The following PPFIBP2 variants were observed in gnomAD, a reference collection of about 807,000 sequenced individuals.
PPFIBP2 encodes PPFIB scaffold protein 2, also known as liprin-beta-2.
PPFIBP2 carries 118 observed loss-of-function variants against 118.3 expected under a neutral mutation model. The observed-to-expected ratio is 1.00, with a 90% CI of 0.86 to 1.16. PPFIBP2 has a LOEUF of 1.16. PPFIBP2 is among the 50% of genes most tolerant of loss of function. The pLI is 0.00. For missense variants in PPFIBP2, 1,195 were observed against 1,073.1 expected (o/e 1.11, Z -1.59); for synonymous variants, 414 against 397.4 (o/e 1.04, Z -0.50).
chr11:7,603,252 A>T (rs1467150381), intron 5 of PPFIBP2, among the ~76,000 whole-genome samples: 1 of 152,248 alleles, frequency 6.6e-6, no homozygotes, highest in Admixed American at 6.5e-5. Context: ...GAGTTTCTTC[A>T]TGCTTATCCC....
chr11:7,614,346 C>A (rs1342294587), intron 6 of PPFIBP2, among the ~76,000 whole-genome samples: 1 of 152,242 alleles, frequency 6.6e-6, no homozygotes, highest in Non-Finnish European at 1.5e-5. Context: ...CAGACACACA[C>A]ACTTTCCCTC....
chr11:7,648,924 A>C lies in PPFIBP2; in HGVS notation c.1909+13A>C. ...ATTTGGGTGACAAGTAAGGATAGGC[A>C]TATATGTATTAAGAATGTCTCTGGC... On this transcript the variant is annotated intron_variant, in intron 19 of 23. Coordinates refer to ENST00000299492, the MANE Select transcript of PPFIBP2 (RefSeq NM_003621.5). 3.7e-6 allele frequency: 6 copies of C among 1,600,374 alleles called. No homozygotes were observed. The highest frequency in any genetic ancestry group is 5.1e-6 in the Non-Finnish European group (6 of 1,167,606).
intron 1 of PPFIBP2, among the ~76,000 whole-genome samples, chr11:7,520,409 A>G (rs1445188956): frequency 6.6e-6 from 1 of 152,058 alleles, no homozygotes; most frequent in Non-Finnish European, 1.5e-5. Flanking sequence ...GCACCTTGGG[A>G]CTGGGCCTGA....
At chr11:7,657,952 C>T (rs1278780175), downstream of PPFIBP2, among the ~76,000 whole-genome samples, 2 of 152,246 alleles carry the variant, frequency 1.3e-5, no homozygotes, top group African/African-American at 4.8e-5. Flanking sequence ...CTCCTAAGTT[C>T]CTCATCCACC....
chr11:7,592,351 C>T (rs1391824275), intron 3 of PPFIBP2, among the ~76,000 whole-genome samples: 1 of 152,164 alleles, frequency 6.6e-6, no homozygotes. Flanking sequence ...GATTCTGCCT[C>T]TCCTCTGACA....
At chr11:7,575,816 A>G (rs2134888201) in intron 3 of PPFIBP2, among the ~76,000 whole-genome samples, 1 of 152,370 alleles carries the variant, frequency 6.6e-6, no homozygotes, top group East Asian at 1.9e-4. Context: ...ACGGGCAGGG[A>G]ACCTGGGCTG....
intron 3 of PPFIBP2, among the ~76,000 whole-genome samples, chr11:7,589,800 G>A (rs1425095251): frequency 6.6e-6 from 1 of 152,116 alleles, no homozygotes; most frequent in African/African-American, 2.4e-5. Context: ...CTCAAACCTG[G>A]AATCATGCAG....
intron 1 of PPFIBP2, among the ~76,000 whole-genome samples, chr11:7,528,742 G>A (rs1414123331): frequency 6.6e-6 from 1 of 152,170 alleles, no homozygotes; most frequent in East Asian, 1.9e-4. Context: ...TGGGATACCT[G>A]CATGAAAGGA....
Position 7,638,047 on chromosome 11 carries a change from C to T in PPFIBP2, c.1237-1685C>T, listed in dbSNP as rs1019455750. 5.3e-5 allele frequency among the ~76,000 whole-genome samples: 8 copies of T among 152,162 alleles called. No homozygotes were observed. In the South Asian group the frequency reaches 6.2e-4, roughly 12 times the overall value. ...TATAATAGGGAGCTTGGAGTCATGC[C>T]CTTCAGGTCTCTAACATCTTTGAAC... On this transcript the variant is annotated intron_variant, in intron 14 of 23. Transcript: ENST00000299492.
downstream of PPFIBP2, among the ~76,000 whole-genome samples, chr11:7,661,603 G>A (rs1854891911): frequency 8.8e-6 from 1 of 113,412 alleles, no homozygotes; most frequent in Non-Finnish European, 2.1e-5. Flanking sequence ...GTGGTGTGGT[G>A]CTGAAAAATA....
At chr11:7,651,344 C>T (rs74051936) in intron 22 of PPFIBP2, 38,988 of 364,594 alleles carry the variant, frequency 0.11, 2,395 homozygotes, top group Middle Eastern at 0.17. Flanking sequence ...GTGGCAAAGC[C>T]AGAGGGGAAA....
the PPFIBP2 span, among the ~76,000 whole-genome samples, chr11:7,663,194 G>A: frequency 4.0e-3 from 502 of 124,304 alleles, 36 homozygotes; most frequent in African/African-American, 0.012. Context: ...TTGGTGAGGA[G>A]CTGCATTCCT....
At chr11:7,654,614 A>G (rs554477412), downstream of PPFIBP2, among the ~76,000 whole-genome samples, 3 of 152,356 alleles carry the variant, frequency 2.0e-5, no homozygotes, top group South Asian at 2.1e-4. Flanking sequence ...CCAGCTGGCA[A>G]TGCTGCTGAT....
At chr11:7,630,012 A>G (rs752783705) in intron 10 of PPFIBP2, among the ~76,000 whole-genome samples, 2 of 152,146 alleles carry the variant, frequency 1.3e-5, no homozygotes, top group African/African-American at 2.4e-5. Context: ...GGACAGAGAG[A>G]GCTGCTGTGT....
chr11:7,641,369 C>A, intron 15 of PPFIBP2, 110 bp from the exon 16 acceptor site: 1 of 1,265,620 alleles, frequency 7.9e-7, no homozygotes, highest in South Asian at 1.4e-5. Context: ...GAAGGCAGAA[C>A]TGGGCAGATT....
chr11:7,642,337 G>A lies in PPFIBP2; in HGVS notation c.1557G>A (p.Thr519=), dbSNP rs189054097. Residue 519 remains threonine, a synonymous_variant, in exon 17 of 24, where the codon ACG becomes ACA. Transcript: ENST00000299492. ...AGTCAGGAAATTTCTACACTGACAC[G>A]CTGGGGATGGCAGAGTTTCGACGAG... ...RTQSGNFYTD[T]LGMAEFRRGG... The A allele has an allele frequency of 6.5e-5, 105 of 1,614,110 alleles. 1 individual carries two copies. The highest frequency in any genetic ancestry group is 5.0e-4 in the Middle Eastern group (3 of 6,060).
In PPFIBP2 at chr11:7,649,654, G is replaced by C. The variant is rs953560664; in HGVS notation, c.2121G>C (p.Glu707Asp). Residue 707 changes from glutamate (E) to aspartate (D), a missense_variant and splice_region_variant, in exon 21 of 24, where the codon GAG (glutamate) becomes GAC (aspartate). Physicochemically the swap from Glu to Asp is conservative, Grantham distance 45. Transcript: ENST00000299492. ...PHCLHRRPADESNLSPSEVVQ... is the reference protein window; with the variant it reads ...PHCLHRRPADDSNLSPSEVVQ... ...GCCTGCACCGGCGGCCAGCTGATGA[G>C]GTGAGACCACAAATAGTATCTCTCC... is the stretch of plus-strand genomic sequence containing the variant. The C allele has an allele frequency of 1.2e-6, 2 of 1,614,210 alleles. No homozygotes were observed. Among genetic ancestry groups the C allele is most frequent in the Non-Finnish European group, 1.7e-6 (2 of 1,180,046 alleles).
chr11:7,666,770 G>T, the PPFIBP2 span: 1 of 437,886 alleles, frequency 2.3e-6, no homozygotes, highest in Non-Finnish European at 4.2e-6. Flanking sequence ...GAACCTCCAT[G>T]GGATGTAGGT....
Position 7,635,604 on chromosome 11 carries a change from T to G in PPFIBP2, c.1236+11T>G. 6.2e-7 allele frequency: 1 copy of G among 1,602,448 alleles called. No homozygotes were observed. Among genetic ancestry groups the G allele is most frequent in the South Asian group, 1.1e-5 (1 of 90,858 alleles). ...GTGTTAGAACCCAAGGTACATTGAC[T>G]TCGTGCCCCGTCGTCTATTTGTGGT... On this transcript the variant is annotated intron_variant, in intron 14 of 23. Coordinates refer to ENST00000299492, the MANE Select transcript of PPFIBP2 (RefSeq NM_003621.5).
Sources: gnomAD v4.1 joint callset for allele counts (sites outside exome capture counted in the v4.1 genomes callset) on GRCh38, gnomAD v4.1.1 for gene constraint, MANE v1.5 for transcripts, NCBI Gene and HGNC (gene_info 2026-07-23, HGNC 2026-07-21) for gene names.